MPP7: variants seen among roughly 807,000 people sequenced by gnomAD.
MPP7 encodes the protein MAGUK p55 scaffold protein 7.
A neutral mutation model predicts 76.5 loss-of-function variants in MPP7; 60 were observed. The ratio of observed to expected loss-of-function variants is 0.78; its 90% CI spans 0.64 to 0.97. The LOEUF is 0.97. Among genes scored for constraint, MPP7 ranks in the 50% least tolerant of loss-of-function variants. The pLI, the probability that MPP7 is intolerant of heterozygous loss-of-function variation, is 0.00. For missense variants in MPP7, 641 were observed against 694.0 expected, an observed-to-expected ratio of 0.92 and a Z score of 0.86; for synonymous variants, 237 against 244.5, an observed-to-expected ratio of 0.97 and a Z score of 0.29.
At chr10:28,254,004 G>GAAAAAAAAAAAAAAAAAAAAAAAAAAAA (rs199511617) in intron 1 of MPP7, among the ~76,000 whole-genome samples, 1 of 92,318 alleles carries the variant, frequency 1.1e-5, no homozygotes, top group Non-Finnish European at 2.1e-5. Context: ...TCACAAAAAA[G>GAAAAAAAAAAAAAAAAAAAAAAAAAAAA]AAAAAAAAAA....
upstream of MPP7, among the ~76,000 whole-genome samples, chr10:28,304,628 T>C (rs1841237885): frequency 6.6e-6 from 1 of 152,226 alleles, no homozygotes; most frequent in Non-Finnish European, 1.5e-5. Flanking sequence ...AAAATACGTG[T>C]CCTAAAGTAA....
intron 11 of MPP7, 76 bp from the exon 12 acceptor site, chr10:28,089,917 A>G: frequency 1.2e-6 from 1 of 802,034 alleles, no homozygotes; most frequent in Non-Finnish European, 1.9e-6. Flanking sequence ...AAACCCTCAG[A>G]GTTGGGTTGG....
At chr10:28,321,602 T>C (rs1834369571) in intron 2 of MPP7, among the ~76,000 whole-genome samples, 1 of 152,208 alleles carries the variant, frequency 6.6e-6, no homozygotes, top group Non-Finnish European at 1.5e-5. Context: ...GTTTTTGTTT[T>C]TGAGACAGGG....
At chr10:28,237,150 G>A (rs996570818) in intron 2 of MPP7, among the ~76,000 whole-genome samples, 3 of 152,080 alleles carry the variant, frequency 2.0e-5, no homozygotes, top group African/African-American at 4.8e-5. Flanking sequence ...TGTAAGCAAC[G>A]ATATTTTGCA....
chr10:28,152,287 T>C (rs926511710), intron 3 of MPP7, among the ~76,000 whole-genome samples: 1 of 152,204 alleles, frequency 6.6e-6, no homozygotes, highest in African/African-American at 2.4e-5. Context: ...GTTCTAGAAT[T>C]TCAAAGTTCT....
intron 1 of MPP7, among the ~76,000 whole-genome samples, chr10:28,302,579 G>A (rs1841185076): frequency 1.3e-5 from 2 of 151,760 alleles, no homozygotes; most frequent in Admixed American, 1.3e-4. Flanking sequence ...CTGCCCCGCC[G>A]CCGCCCCCGC....
At chr10:28,196,933 C>T (rs559806530) in intron 3 of MPP7, among the ~76,000 whole-genome samples, 2 of 152,310 alleles carry the variant, frequency 1.3e-5, no homozygotes, top group South Asian at 4.1e-4. Context: ...TTCCCACTCT[C>T]TTAGAAGAAA....
chr10:28,127,825 C>T (rs73606075), intron 6 of MPP7, among the ~76,000 whole-genome samples: 2,348 of 151,966 alleles, frequency 0.015, 66 homozygotes, highest in African/African-American at 0.05. Context: ...CCAGGGCAGG[C>T]GGAGGAAAGA....
chr10:28,216,804 C>A (rs1286539666), intron 2 of MPP7, among the ~76,000 whole-genome samples: 1 of 152,002 alleles, frequency 6.6e-6, no homozygotes, highest in African/African-American at 2.4e-5. Context: ...CTTGAAGTGA[C>A]AGCACAAAAC....
chr10:28,163,122 T>A (rs1021892213), intron 3 of MPP7, among the ~76,000 whole-genome samples: 4 of 152,124 alleles, frequency 2.6e-5, no homozygotes, highest in African/African-American at 9.7e-5. Flanking sequence ...GAGGAAGGCA[T>A]GAATCCACCC....
chr10:28,117,466 T>C (rs990729634), intron 11 of MPP7, among the ~76,000 whole-genome samples: 26 of 152,134 alleles, frequency 1.7e-4, no homozygotes, highest in Admixed American at 1.7e-3. Flanking sequence ...ACCAACTTGC[T>C]GTTTTTCTTC....
At chr10:28,311,860 C>A (rs1841291617) in intron 2 of MPP7, among the ~76,000 whole-genome samples, 1 of 152,044 alleles carries the variant, frequency 6.6e-6, no homozygotes, top group Non-Finnish European at 1.5e-5. Flanking sequence ...TAAGTTGAAC[C>A]AGTTTGGATA....
chr10:28,097,053 G>A (rs1032622334), intron 11 of MPP7, among the ~76,000 whole-genome samples: 5 of 151,960 alleles, frequency 3.3e-5, no homozygotes, highest in East Asian at 1.9e-4. Flanking sequence ...AAAGTGGTGC[G>A]ATCACGGCTC....
At chr10:28,198,856 A>G (rs1837677548) in intron 3 of MPP7, among the ~76,000 whole-genome samples, 1 of 152,200 alleles carries the variant, frequency 6.6e-6, no homozygotes, top group Non-Finnish European at 1.5e-5. Context: ...CTGATGGTCT[A>G]TGCCATTCCC....
At position 28,146,835 on chromosome 10, in the gene MPP7, C is replaced by T. The variant is rs549274847; in HGVS notation, c.315+648G>A. On this transcript the variant is annotated intron_variant, in intron 5 of 16. Transcript: ENST00000683449. ...CCCAGCGTCAAGTCCAAAATGTATA[C>T]AGTGCAGGATTTAGTGCAGTAATGA... Among the ~76,000 whole-genome samples, 7 of 152,208 alleles carry T rather than the reference C, an allele frequency of 4.6e-5. No homozygotes were observed. The East Asian group carries it at 1.3e-3, about 29-fold the overall frequency.
chr10:28,067,389 G>A (rs976806417), intron 13 of MPP7, among the ~76,000 whole-genome samples: 11 of 151,638 alleles, frequency 7.3e-5, no homozygotes, highest in African/African-American at 9.7e-5. Flanking sequence ...ATTAAATCAC[G>A]CTGGTTTGAT....
intron 1 of MPP7, among the ~76,000 whole-genome samples, chr10:28,261,240 C>A (rs117652614): frequency 0.018 from 2,717 of 152,312 alleles, 32 homozygotes; most frequent in Middle Eastern, 0.048. Context: ...TCCTTCCTAG[C>A]AAGGTGAGCA....
chr10:28,268,164 A>T (rs954540316), intron 1 of MPP7, among the ~76,000 whole-genome samples: 1 of 110,698 alleles, frequency 9.0e-6, no homozygotes, highest in Non-Finnish European at 2.0e-5. Context: ...AGTTTCTCTA[A>T]GCAGGTGCAA....
At chr10:28,200,633 G>A (rs191049012) in intron 3 of MPP7, among the ~76,000 whole-genome samples, 12 of 152,172 alleles carry the variant, frequency 7.9e-5, no homozygotes, top group African/African-American at 2.2e-4. Flanking sequence ...GGTCTTTAGC[G>A]TGCTACGATA....
Sources: gnomAD v4.1 joint callset for allele counts (sites outside exome capture counted in the v4.1 genomes callset) on GRCh38, gnomAD v4.1.1 for gene constraint, MANE v1.5 for transcripts, NCBI Gene and HGNC (gene_info 2026-07-23, HGNC 2026-07-21) for gene names.